PBX1: variants seen among roughly 807,000 people sequenced by gnomAD.
The protein encoded by PBX1 is PBX homeobox 1, also known as pre-B-cell leukemia transcription factor 1.
Under a neutral mutation model 53.4 loss-of-function variants are expected in PBX1, and 6 were observed. The ratio of observed to expected loss-of-function variants is 0.11; its 90% confidence interval spans 0.06 to 0.22. The LOEUF (loss-of-function observed/expected upper bound fraction) is 0.22, where lower values mean the gene tolerates loss of function less well. Among genes scored for constraint, PBX1 ranks in the 10% least tolerant of loss-of-function variants. The pLI is 1.00. For missense variants in PBX1, 251 were observed against 551.4 expected (o/e 0.46, Z 5.46); for synonymous variants, 204 against 212.3 (o/e 0.96, Z 0.34).
In PBX1 at chr1:164,821,643, C is replaced by T. The variant is rs760420790; in HGVS notation, c.1200+17C>T. On this transcript the variant is annotated intron_variant, in intron 8 of 8. Transcript: ENST00000420696. ...GGCATCAGTGTAAGAAAACAAGCCC[C>T]CCCACCCCCTGCTTTGTTTTTATTC... 5.0e-6 allele frequency: 8 copies of T among 1,595,556 alleles called. No homozygotes were observed. Among genetic ancestry groups the T allele is most frequent in the South Asian group, 1.1e-5 (1 of 90,700 alleles).
At chr1:164,693,583 G>A (rs1662626845) in intron 2 of PBX1, among the ~76,000 whole-genome samples, 1 of 152,194 alleles carries the variant, frequency 6.6e-6, no homozygotes, top group South Asian at 2.1e-4. Flanking sequence ...ATCGGCAGGG[G>A]AGCTACCTAG....
At chr1:164,594,364 G>A (rs989720507) in intron 2 of PBX1, among the ~76,000 whole-genome samples, 21 of 151,996 alleles carry the variant, frequency 1.4e-4, no homozygotes, top group Middle Eastern at 3.2e-3. Flanking sequence ...GCATGATCTC[G>A]GCTCACTGCA....
At chr1:164,661,923 A>C (rs1316322869) in intron 2 of PBX1, among the ~76,000 whole-genome samples, 1 of 152,232 alleles carries the variant, frequency 6.6e-6, no homozygotes, top group Non-Finnish European at 1.5e-5. Flanking sequence ...AGACCTAAAA[A>C]TACACTTTCA....
In PBX1 at chr1:164,665,374, T is replaced by G. The variant is rs577686631; in HGVS notation, c.265+102063T>G. Among the ~76,000 whole-genome samples, 271 of 152,270 alleles carry G rather than the reference T, an allele frequency of 1.8e-3. 1 individual carries two copies. The highest frequency in any genetic ancestry group is 6.0e-3 in the African/African-American group (251 of 41,566). On this transcript the variant is annotated intron_variant, in intron 2 of 8. Coordinates refer to ENST00000420696, the MANE Select transcript of PBX1 (RefSeq NM_002585.4). ...ATCTCAGCTCACTGTAACCTCTACC[T>G]CCCAGGTTTAAGTGATCCTCCCACC...
At chr1:164,873,235 C>G (rs1672424513) in intron 2 of PBX1, among the ~76,000 whole-genome samples, 1 of 152,186 alleles carries the variant, frequency 6.6e-6, no homozygotes, top group African/African-American at 2.4e-5. Context: ...GGATCAGAGC[C>G]TTGTGGCAAA....
chr1:164,831,606 G>A (rs9887782), intron 8 of PBX1: 1 of 151,860 alleles, frequency 6.6e-6, no homozygotes, highest in African/African-American at 2.4e-5. Flanking sequence ...AGCCAGGATG[G>A]TCTCGATCTC....
At chr1:164,764,654 T>G (rs1207593553) in intron 2 of PBX1, among the ~76,000 whole-genome samples, 1 of 152,194 alleles carries the variant, frequency 6.6e-6, no homozygotes, top group Non-Finnish European at 1.5e-5. Flanking sequence ...TTTCTTTTTC[T>G]TATCTTGCCT....
At chr1:164,796,242 A>G (rs1393877327) in intron 3 of PBX1, among the ~76,000 whole-genome samples, 5 of 152,074 alleles carry the variant, frequency 3.3e-5, no homozygotes, top group Non-Finnish European at 7.4e-5. Flanking sequence ...AGCTCCTGAC[A>G]TCGTGTTCAC....
At chr1:164,884,415 A>G in intron 2 of PBX1, 1 of 294,260 alleles carries the variant, frequency 3.4e-6, no homozygotes. Context: ...ATCTTGCCAG[A>G]GGGTGGGCGA....
At position 164,813,586 on chromosome 1, in the gene PBX1, A is replaced by G. The variant is rs147825624; in HGVS notation, c.997+1437A>G. 172 of 152,308 alleles carry G rather than the reference A, an allele frequency of 1.1e-3. 1 individual carries two copies. The highest frequency in any genetic ancestry group is 4.0e-3 in the African/African-American group (168 of 41,554). The allele number at this position is 152,308 out of a possible 1,614,324, so 9.4% of individuals were successfully genotyped here. On this transcript the variant is annotated intron_variant, in intron 6 of 8. Transcript: ENST00000420696. ...ACTGTGCTGCTAGGCAGACATTTTC[A>G]CTTGTCTCTTTGGAAGAAGTACAAT... is the stretch of plus-strand genomic sequence containing the variant.
chr1:164,745,434 T>G (rs1665841187), intron 2 of PBX1, among the ~76,000 whole-genome samples: 1 of 152,196 alleles, frequency 6.6e-6, no homozygotes, highest in African/African-American at 2.4e-5. Context: ...GGGTTAATAT[T>G]ATTTTTTCAC....
At position 164,610,694 on chromosome 1, in the gene PBX1, A is replaced by G. The variant is rs891327539; in HGVS notation, c.265+47383A>G. ...CAAGGACCTTAGGCCTGTTGTCCTA[A>G]ATGATCACAGGGCTGGCATCACCCT... On this transcript the variant is annotated intron_variant, in intron 2 of 8. Coordinates refer to ENST00000420696, the MANE Select transcript of PBX1 (RefSeq NM_002585.4). Among the ~76,000 whole-genome samples the G allele has an allele frequency of 2.0e-5, 3 of 152,238 alleles. No homozygotes were observed. In the South Asian group the frequency reaches 6.2e-4, roughly 32 times the overall value.
In PBX1 at chr1:164,782,819, C is replaced by G. The variant is rs1187098209; in HGVS notation, c.266-9675C>G. ...GGAGGTGTGCACAGCCCAGGCAAGT[C>G]GTTGTAATATTTCACCCATGGGGTT... On this transcript the variant is annotated intron_variant, in intron 2 of 8. Transcript: ENST00000420696. 3.3e-5 allele frequency among the ~76,000 whole-genome samples: 5 copies of G among 152,284 alleles called. No individual in the cohort carries two copies. The East Asian group carries it at 9.7e-4, about 29-fold the overall frequency.
intron 8 of PBX1, among the ~76,000 whole-genome samples, chr1:164,835,344 A>T (rs943862164): frequency 1.3e-5 from 2 of 152,064 alleles, no homozygotes; most frequent in African/African-American, 4.8e-5. Context: ...AATTTCTAAA[A>T]ATGGAATTGC....
At chr1:164,633,271 T>G (rs1658527627) in intron 2 of PBX1, among the ~76,000 whole-genome samples, 1 of 151,982 alleles carries the variant, frequency 6.6e-6, no homozygotes, top group Non-Finnish European at 1.5e-5. Context: ...TGCCTCAGCC[T>G]CCCGAGTAGC....
At chr1:164,804,352 ACAATCTTTTTC>A (rs1445119381) in intron 4 of PBX1, among the ~76,000 whole-genome samples, 2 of 152,206 alleles carry the variant, frequency 1.3e-5, no homozygotes, top group Non-Finnish European at 2.9e-5. Context: ...CCCCAGAGCT[ACAATCTTTTTC>A]CAGGAGGGCT....
intron 2 of PBX1, among the ~76,000 whole-genome samples, chr1:164,564,858 T>C (rs1031173529): frequency 6.6e-6 from 1 of 151,994 alleles, no homozygotes; most frequent in Non-Finnish European, 1.5e-5. Context: ...CTCTCTTTTT[T>C]CTTCTTTGAT....
chr1:164,622,710 AG>A (rs1445505558), intron 2 of PBX1, among the ~76,000 whole-genome samples: 1 of 152,118 alleles, frequency 6.6e-6, no homozygotes, highest in Non-Finnish European at 1.5e-5. Context: ...TATGGAATCC[AG>A]GCTTAACCAG....
chr1:164,563,201 A>C (rs1174368787), intron 1 of PBX1, 37 bp from the exon 2 acceptor site: 1 of 1,445,010 alleles, frequency 6.9e-7, no homozygotes, highest in African/African-American at 1.4e-5. Context: ...TGATCTTGAG[A>C]GTCCACCTAA....
Sources: gnomAD v4.1 joint callset for allele counts (sites outside exome capture counted in the v4.1 genomes callset) on GRCh38, gnomAD v4.1.1 for gene constraint, MANE v1.5 for transcripts, NCBI Gene and HGNC (gene_info 2026-07-23, HGNC 2026-07-21) for gene names.